ABCA13: variants seen among roughly 807,000 people sequenced by gnomAD.
ABCA13 encodes the protein ATP-binding cassette sub-family A member 13.
Under a neutral mutation model 478.7 loss-of-function variants are expected in ABCA13, and 476 were observed. The ratio of observed to expected loss-of-function variants is 0.99; its 90% CI spans 0.92 to 1.07. The LOEUF is 1.07. ABCA13 is among the 50% of genes least tolerant of loss of function. The pLI, the probability that ABCA13 is intolerant of heterozygous loss-of-function variation, is 0.00. For synonymous variants in ABCA13, 2,252 were observed against 2,158.9 expected (o/e 1.04, Z -1.20); for missense variants, 6,060 against 5,910.6 (o/e 1.03, Z -0.83).
At chr7:48,343,881 A>T (rs899793839) in intron 29 of ABCA13, among the ~76,000 whole-genome samples, 4 of 152,166 alleles carry the variant, frequency 2.6e-5, no homozygotes, top group Non-Finnish European at 5.9e-5. Context: ...TGAAGACGAC[A>T]GCTCTTCAAT....
intron 57 of ABCA13, among the ~76,000 whole-genome samples, chr7:48,592,098 A>G (rs1293121103): frequency 6.6e-6 from 1 of 151,694 alleles, no homozygotes; most frequent in African/African-American, 2.4e-5. Flanking sequence ...CTTATGATAT[A>G]TGGCCTTTTA....
chr7:48,618,483 C>G (rs1792813719), intron 59 of ABCA13, among the ~76,000 whole-genome samples: 1 of 152,160 alleles, frequency 6.6e-6, no homozygotes, highest in South Asian at 2.1e-4. Context: ...GCCAATAGAT[C>G]AGGAAACGAC....
At chr7:48,412,651 G>A in intron 41 of ABCA13, 68 bp downstream of exon 41, 1 of 1,263,176 alleles carries the variant, frequency 7.9e-7, no homozygotes. Flanking sequence ...TAAATGAAGA[G>A]ATGTGGGTAA....
At chr7:48,341,499 T>C (rs1563083835) in intron 29 of ABCA13, among the ~76,000 whole-genome samples, 1 of 152,110 alleles carries the variant, frequency 6.6e-6, no homozygotes. Context: ...AATTCCTGAG[T>C]GATTTTACTC....
chr7:48,594,666 T>G (rs1790101517), intron 57 of ABCA13, 44 bp from the exon 58 acceptor site: 1 of 1,556,468 alleles, frequency 6.4e-7, no homozygotes, highest in Non-Finnish European at 8.9e-7. Context: ...TATTTCTATT[T>G]GTGTTTTTCA....
Position 48,412,523 on chromosome 7 carries a change from TGA to T in ABCA13, c.12402_12403del (p.Asn4135ProfsTer38). The T allele has an allele frequency of 6.2e-7, 1 of 1,613,348 alleles. No individual in the cohort carries two copies. The highest frequency in any genetic ancestry group is 8.5e-7 in the Non-Finnish European group (1 of 1,179,758). On this transcript the variant is annotated frameshift_variant, in exon 41 of 62. Transcript: ENST00000435803. LOFTEE classifies it high-confidence loss of function. ...CLKGLFQALD[E>X]NLHQLHLTGY... is the part of the protein sequence containing the mutation. The stretch of plus-strand genomic sequence containing the variant: ...TGAAAGGGCTCTTCCAGGCCCTGGA[TGA>T]GAACCTGCATCAGCTGCACCTGACG...
chr7:48,372,054 G>A (rs747460325), intron 32 of ABCA13, 114 bp from the exon 33 acceptor site: 55 of 1,081,642 alleles, frequency 5.1e-5, no homozygotes, highest in Non-Finnish European at 6.7e-5. Context: ...GGCTGAATTT[G>A]CAAGCAAGCA....
intron 1 of ABCA13, among the ~76,000 whole-genome samples, chr7:48,191,324 T>C (rs913944807): frequency 6.6e-6 from 1 of 152,252 alleles, no homozygotes; most frequent in Non-Finnish European, 1.5e-5. Context: ...CAGGACTGTG[T>C]CAGAGAACTT....
At position 48,276,007 on chromosome 7, in the gene ABCA13, A is replaced by G. The variant is rs1376831507; in HGVS notation, c.6341A>G (p.Lys2114Arg). 1 of 1,612,214 alleles carries G rather than the reference A, an allele frequency of 6.2e-7. No homozygotes were observed. Among genetic ancestry groups the G allele is most frequent in the Non-Finnish European group, 8.5e-7 (1 of 1,179,042 alleles). The change falls in exon 17 of 62, where the codon AAG becomes AGG. Residue 2114 changes from lysine (K) to arginine (R), a missense_variant. Transcript: ENST00000435803. ...GAAATCCTGGATTCACCGTCATTGA[A>G]GACATTAGAAATTATTGAAGATTTT... ...FLEILDSPSLKTLEIIEDFLL... is the reference protein window; with the variant it reads ...FLEILDSPSLRTLEIIEDFLL...
rs573185860 is a variant in ABCA13 at position 48,414,629 on chromosome 7, A to T, written c.12459+2046A>T. ...ATATATTACATGTAATAATACATAGATATTTAATAAAACATATATATATGT... is the reference window on the plus strand; with the variant it reads ...ATATATTACATGTAATAATACATAGTTATTTAATAAAACATATATATATGT... On this transcript the variant is annotated intron_variant, in intron 41 of 61. Transcript: ENST00000435803. Among the ~76,000 whole-genome samples, 6 of 151,316 alleles carry T rather than the reference A, an allele frequency of 4.0e-5. No individual in the cohort carries two copies. The East Asian group carries it at 9.7e-4, about 24-fold the overall frequency.
chr7:48,373,466 T>C (rs1220404021), intron 33 of ABCA13, among the ~76,000 whole-genome samples: 1 of 152,256 alleles, frequency 6.6e-6, no homozygotes, highest in African/African-American at 2.4e-5. Context: ...ACTAGCCATA[T>C]GCTCACAACA....
chr7:48,179,771 C>T (rs937450350), intron 1 of ABCA13, among the ~76,000 whole-genome samples: 3 of 152,144 alleles, frequency 2.0e-5, no homozygotes, highest in Non-Finnish European at 2.9e-5. Flanking sequence ...GTGCTGTGAT[C>T]CCGGCAGGTC....
intron 29 of ABCA13, among the ~76,000 whole-genome samples, chr7:48,341,879 GATAT>G (rs375857680): frequency 4.8e-4 from 15 of 31,284 alleles, no homozygotes; most frequent in Non-Finnish European, 1.1e-3. Flanking sequence ...ATATCTTTCT[GATAT>G]ATATATATAT....
intron 17 of ABCA13, 125 bp downstream of exon 17, chr7:48,276,690 TAAA>T: frequency 5.6e-6 from 4 of 720,318 alleles, no homozygotes; most frequent in Non-Finnish European, 8.5e-6. Flanking sequence ...ATCTTTGATG[TAAA>T]TTTGTCTTAA....
intron 58 of ABCA13, among the ~76,000 whole-genome samples, chr7:48,602,526 A>T (rs1791012893): frequency 6.6e-6 from 1 of 152,096 alleles, no homozygotes. Context: ...CAAAGATCAG[A>T]TGGTTGTAGA....
chr7:48,526,097 G>T (rs190916424), intron 54 of ABCA13, among the ~76,000 whole-genome samples: 3 of 152,206 alleles, frequency 2.0e-5, no homozygotes, highest in South Asian at 4.1e-4. Flanking sequence ...AACTTCTTTA[G>T]GGGTAATTTT....
rs528560643 is a variant in ABCA13, at chr7:48,389,997, A to G, written c.11654+777A>G. ...AACTTCAGAAATCTCATACTGAAAA[A>G]ATAGAAAGAAAGAATATGGACAGTT... is the stretch of plus-strand genomic sequence containing the variant. On this transcript the variant is annotated intron_variant, in intron 37 of 61. Transcript: ENST00000435803. Among the ~76,000 whole-genome samples, 5 of 152,340 alleles carry G rather than the reference A, an allele frequency of 3.3e-5. No individual in the cohort carries two copies. The Middle Eastern group carries it at 0.01, about 311-fold the overall frequency.
At chr7:48,308,676 A>G (rs1439533988) in intron 23 of ABCA13, among the ~76,000 whole-genome samples, 1 of 152,066 alleles carries the variant, frequency 6.6e-6, no homozygotes, top group African/African-American at 2.4e-5. Flanking sequence ...GTGGTTTGTC[A>G]TCATGTACCA....
At chr7:48,605,406 T>C (rs1432251976) in intron 58 of ABCA13, among the ~76,000 whole-genome samples, 3 of 152,220 alleles carry the variant, frequency 2.0e-5, no homozygotes, top group African/African-American at 4.8e-5. Flanking sequence ...CTTCAGGAGC[T>C]CTTGTAAGGC....
Sources: allele counts gnomAD v4.1 joint callset (sites outside exome capture counted in the v4.1 genomes callset), GRCh38; gene constraint gnomAD v4.1.1; transcripts MANE v1.5; gene names NCBI Gene and HGNC (gene_info 2026-07-23, HGNC 2026-07-21).